Variants in DPP4 observed in about 807,000 individuals in gnomAD.
DPP4 encodes ADCP-2.
Under a neutral mutation model 122.4 loss-of-function variants are expected in DPP4, and 93 were observed. That is an observed-to-expected ratio of 0.76 (90% CI 0.64 to 0.90). The LOEUF (loss-of-function observed/expected upper bound fraction) is 0.90. DPP4 is among the 40% of genes least tolerant of loss of function. The probability of loss-of-function intolerance (pLI) is 0.00; values close to 1 mark genes in which losing one functional copy is unlikely to be tolerated. For missense variants in DPP4, 914 were observed against 907.3 expected, an observed-to-expected ratio of 1.01 and a Z score of -0.09; for synonymous variants, 321 against 302.9, an observed-to-expected ratio of 1.06 and a Z score of -0.62.
At chr2:162,002,222 T>C (rs1701167607) in intron 23 of DPP4, among the ~76,000 whole-genome samples, 1 of 152,232 alleles carries the variant, frequency 6.6e-6, no homozygotes. Context: ...TCCATTCATG[T>C]ATGCAAATGG....
chr2:162,033,862 G>GTATGTATATA (rs1553665299), intron 9 of DPP4, among the ~76,000 whole-genome samples: 1 of 104,026 alleles, frequency 9.6e-6, no homozygotes, highest in African/African-American at 3.5e-5. Context: ...CAGAATATGT[G>GTATGTATATA]TATATATATA....
At chr2:162,014,318 C>T in intron 19 of DPP4, 78 bp downstream of exon 19, 1 of 1,224,516 alleles carries the variant, frequency 8.2e-7, no homozygotes, top group Non-Finnish European at 1.2e-6. Flanking sequence ...CATTTGGCTC[C>T]ATTTTTCAGT....
At position 161,993,279 on chromosome 2, in the gene DPP4, G is replaced by C; in HGVS notation, c.*4C>G. ...AGCTTTAAATGGCATGGTATTTTGA[G>C]GTGCTAAGGTAAAGAGAAACATTGT... On this transcript the variant is annotated 3_prime_UTR_variant, in exon 26 of 26. Transcript: ENST00000360534. The C allele has an allele frequency of 6.2e-7, 1 of 1,601,184 alleles. No homozygotes were observed. The highest frequency in any genetic ancestry group is 8.6e-7 in the Non-Finnish European group (1 of 1,168,476).
chr2:162,032,931 A>G lies in DPP4; in HGVS notation c.887+610T>C, dbSNP rs563933940. Among the ~76,000 whole-genome samples, 42 of 152,212 alleles carry G rather than the reference A, an allele frequency of 2.8e-4. 1 individual carries two copies. The highest frequency in any genetic ancestry group is 9.4e-4 in the African/African-American group (39 of 41,536). On this transcript the variant is annotated intron_variant, in intron 10 of 25. Coordinates refer to ENST00000360534, the MANE Select transcript of DPP4 (RefSeq NM_001935.4). Reference sequence around the variant, plus strand: ...GGAGCTCCCTAAACTTAATCCACAGATTTCCTGCATTTCTCTAGGCCTTAC... The same window carrying G: ...GGAGCTCCCTAAACTTAATCCACAGGTTTCCTGCATTTCTCTAGGCCTTAC...
In DPP4 at chr2:162,018,814, G is replaced by A. The variant is rs1448860241; in HGVS notation, c.1335C>T (p.Leu445=). 1.2e-6 allele frequency: 2 copies of A among 1,614,022 alleles called. No individual in the cohort carries two copies. The highest frequency in any genetic ancestry group is 1.7e-6 in the Non-Finnish European group (2 of 1,180,038). ...ACCTTTCCGGATTCAGCTCACAACT[G>A]AGGCATGTCACTTTTGTATAGTCAC... is the stretch of plus-strand genomic sequence containing the variant. ...QLSDYTKVTC[L]SCELNPERCQ... is the part of the protein sequence containing the mutation. Residue 445 remains leucine (L), a synonymous_variant, in exon 16 of 26, where the codon CTC becomes CTT. Transcript: ENST00000360534.
At chr2:162,006,815 T>C (rs1418225030) in intron 22 of DPP4, among the ~76,000 whole-genome samples, 4 of 152,128 alleles carry the variant, frequency 2.6e-5, no homozygotes, top group Non-Finnish European at 5.9e-5. Context: ...AGATTACAGT[T>C]AAAGAGTCTA....
intron 9 of DPP4, among the ~76,000 whole-genome samples, chr2:162,034,709 A>G (rs987662302): frequency 6.6e-6 from 1 of 152,162 alleles, no homozygotes; most frequent in South Asian, 2.1e-4. Flanking sequence ...GACATGAAAA[A>G]TTTACATTAG....
intron 10 of DPP4, among the ~76,000 whole-genome samples, chr2:162,025,518 C>T (rs1683293618): frequency 6.6e-6 from 1 of 151,992 alleles, no homozygotes. Flanking sequence ...ATGAACTCTG[C>T]AAAGAAATGA....
chr2:162,016,811 C>T lies in DPP4; in HGVS notation c.1524G>A (p.Gln508=). The change falls in exon 18 of 26, where the codon CAG becomes CAA. Residue 508 remains glutamine, a synonymous_variant. Coordinates refer to ENST00000360534, the MANE Select transcript of DPP4 (RefSeq NM_001935.4). ...TGAAGTCCAGTTTTTTGGAGGGCAT[C>T]TGGACATTCTGCAGCATTTTATCCA... ...SALDKMLQNV[Q]MPSKKLDFII... is the part of the protein sequence containing the mutation. 6.2e-7 allele frequency: 1 copy of T among 1,612,980 alleles called. No individual in the cohort carries two copies. Among genetic ancestry groups the T allele is most frequent in the Non-Finnish European group, 8.5e-7 (1 of 1,179,718 alleles).
Position 162,073,386 on chromosome 2 carries a change from G to A in DPP4, c.94+13C>T, listed in dbSNP as rs1685187134. 6.2e-7 allele frequency: 1 copy of A among 1,613,696 alleles called. No homozygotes were observed. Among genetic ancestry groups the A allele is most frequent in the Non-Finnish European group, 8.5e-7 (1 of 1,179,798 alleles). Reference sequence around the variant, plus strand: ...TCCAACTGTCCTATCTTTTTCAAATGTTTCAAACTTACTGCCTTTGTTCAG... The same window carrying A: ...TCCAACTGTCCTATCTTTTTCAAATATTTCAAACTTACTGCCTTTGTTCAG... On this transcript the variant is annotated intron_variant, in intron 2 of 25. Transcript: ENST00000360534.
At chr2:161,997,807 G>A (rs767047601) in intron 23 of DPP4, among the ~76,000 whole-genome samples, 3 of 152,114 alleles carry the variant, frequency 2.0e-5, no homozygotes, top group Non-Finnish European at 2.9e-5. Context: ...TCAAGATGGA[G>A]GCACCAAGAC....
chr2:162,012,116 G>C, intron 19 of DPP4, 129 bp from the exon 20 acceptor site: 1 of 816,890 alleles, frequency 1.2e-6, no homozygotes, highest in South Asian at 2.0e-5. Context: ...GCCAGCCTAT[G>C]GGGTGTCCAG....
chr2:162,008,083 G>A (rs1213141713), intron 22 of DPP4, among the ~76,000 whole-genome samples: 1 of 151,924 alleles, frequency 6.6e-6, no homozygotes, highest in Non-Finnish European at 1.5e-5. Context: ...ATGACAAAGA[G>A]CATATTCTAG....
chr2:162,060,352 C>CA (rs1463892924), intron 2 of DPP4, among the ~76,000 whole-genome samples: 1 of 152,148 alleles, frequency 6.6e-6, no homozygotes, highest in Non-Finnish European at 1.5e-5. Context: ...TCCCTCTGGA[C>CA]AGTAAGAAGG....
rs754991186 is a variant in DPP4, at chr2:162,020,299, G to A, written c.1177-3C>T. On this transcript the variant is annotated splice_polypyrimidine_tract_variant and splice_region_variant and intron_variant, in intron 13 of 25. Transcript: ENST00000360534. ...CCTTTTGTAATAAATGTGCAGTCCT[G>A]ATGGTTTTTTTTTTTTTTCAAAAAA... The A allele has an allele frequency of 1.9e-5, 27 of 1,406,952 alleles. No individual in the cohort carries two copies. Among genetic ancestry groups the A allele is most frequent in the Admixed American group, 6.8e-5 (3 of 43,864 alleles). 87.2% of individuals were successfully genotyped at this position (1,406,952 alleles called of 1,614,324 possible).
intron 21 of DPP4, 104 bp downstream of exon 21, chr2:162,009,137 G>T: frequency 8.5e-7 from 1 of 1,178,984 alleles, no homozygotes; most frequent in Non-Finnish European, 1.3e-6. Flanking sequence ...AGACTTGATA[G>T]ATGTGATTTT....
intron 2 of DPP4, among the ~76,000 whole-genome samples, chr2:162,072,772 A>C (rs559813872): frequency 2.4e-4 from 37 of 152,320 alleles, no homozygotes; most frequent in African/African-American, 8.9e-4. Flanking sequence ...GAATCCACCA[A>C]AACATCACTG....
Position 162,046,957 on chromosome 2 carries a change from AG to A in DPP4, c.242del (p.Ala81ValfsTer36), listed in dbSNP as rs1475509496. The part of the protein sequence containing the change: ...KQENNILVFN[A>X]EYGNSSVFLE... ...AGAAAACTGAGCTGTTTCCATATTC[AG>A]CATTGAATACCAAGATATTATTTTC... On this transcript the variant is annotated frameshift_variant, in exon 4 of 26. Coordinates refer to ENST00000360534, the MANE Select transcript of DPP4 (RefSeq NM_001935.4). LOFTEE classifies it high-confidence loss of function. The A allele has an allele frequency of 1.9e-6, 3 of 1,597,686 alleles. No individual in the cohort carries two copies. The highest frequency in any genetic ancestry group is 2.6e-6 in the Non-Finnish European group (3 of 1,165,476).
At chr2:162,003,167 G>T (rs1211835783) in intron 23 of DPP4, among the ~76,000 whole-genome samples, 1 of 152,200 alleles carries the variant, frequency 6.6e-6, no homozygotes, top group Non-Finnish European at 1.5e-5. Flanking sequence ...GCAGTGAAGT[G>T]AAAGAGTGAC....
Sources: gnomAD v4.1 joint callset for allele counts (sites outside exome capture counted in the v4.1 genomes callset) on GRCh38, gnomAD v4.1.1 for gene constraint, MANE v1.5 for transcripts, NCBI Gene and HGNC (gene_info 2026-07-23, HGNC 2026-07-21) for gene names.